The following DLGAP2 variants were observed in gnomAD, a reference collection of about 807,000 sequenced individuals.
The protein encoded by DLGAP2 is disks large-associated protein 2.
Under a neutral mutation model 100.3 loss-of-function variants are expected in DLGAP2, and 26 were observed. The observed-to-expected ratio is 0.26, with a 90% CI of 0.19 to 0.36. DLGAP2 has a LOEUF of 0.36. Ranked by LOEUF, DLGAP2 falls within the 10% of genes least tolerant of loss-of-function variation. The pLI is 1.00. For missense variants in DLGAP2, 1,858 were observed against 1,453.2 expected (o/e 1.28, Z -4.53); for synonymous variants, 886 against 630.1 (o/e 1.41, Z -6.08).
In DLGAP2 at chr8:1,233,684, G is replaced by T. The variant is rs1480616715; in HGVS notation, c.74-25167G>T. ...TTTTAGTTACTGATAGATGATCTCA[G>T]TGCCTAAGAGTGTGTTGAGCACATG... On this transcript the variant is annotated intron_variant, in intron 2 of 14. Transcript: ENST00000637795. Among the ~76,000 whole-genome samples the T allele has an allele frequency of 2.6e-5, 4 of 152,308 alleles. No homozygotes were observed. In the East Asian group the frequency reaches 5.8e-4, roughly 22 times the overall value.
intron 3 of DLGAP2, among the ~76,000 whole-genome samples, chr8:1,384,219 T>A (rs1221483180): frequency 7.2e-5 from 11 of 152,264 alleles, no homozygotes; most frequent in African/African-American, 2.7e-4. Context: ...GGATGCCATT[T>A]TCAGAATTTA....
At position 1,001,551 on chromosome 8, in the gene DLGAP2, C is replaced by G. The variant is rs190765978; in HGVS notation, c.73+93585C>G. Among the ~76,000 whole-genome samples, 138 of 152,136 alleles carry G rather than the reference C, an allele frequency of 9.1e-4. 1 individual carries two copies. Among genetic ancestry groups the G allele is most frequent in the African/African-American group, 3.1e-3 (130 of 41,482 alleles). On this transcript the variant is annotated intron_variant, in intron 2 of 14. Transcript: ENST00000637795. ...AATATTGAGGAAGGTGTCATGAAAC[C>G]TCAAACGAAAGTTACGGAGAAATGA...
chr8:1,514,978 C>T (rs1359492953), intron 4 of DLGAP2, among the ~76,000 whole-genome samples: 4 of 151,902 alleles, frequency 2.6e-5, no homozygotes, highest in Admixed American at 6.6e-5. Context: ...GGGACACCAA[C>T]GTGTAGAGAG....
intron 3 of DLGAP2, among the ~76,000 whole-genome samples, chr8:1,350,338 C>A (rs77597345): frequency 1.2e-5 from 1 of 86,558 alleles, no homozygotes; most frequent in Non-Finnish European, 2.3e-5. Context: ...AAAGGCCGTG[C>A]GGGTCCTGAC....
chr8:1,130,062 C>G (rs1796254517), intron 2 of DLGAP2, among the ~76,000 whole-genome samples: 2 of 151,774 alleles, frequency 1.3e-5, no homozygotes, highest in South Asian at 4.2e-4. Flanking sequence ...TCATGTCGGG[C>G]ACTTCACGTG....
chr8:977,578 T>C (rs926243298), intron 2 of DLGAP2, among the ~76,000 whole-genome samples: 1 of 152,262 alleles, frequency 6.6e-6, no homozygotes, highest in Non-Finnish European at 1.5e-5. Flanking sequence ...TTGCGAACTT[T>C]TTCAATGAGT....
intron 4 of DLGAP2, among the ~76,000 whole-genome samples, chr8:1,512,274 A>G (rs999118612): frequency 1.3e-5 from 2 of 152,240 alleles, no homozygotes; most frequent in Non-Finnish European, 2.9e-5. Context: ...TGTCCCATAA[A>G]CTTAAAAATA....
At chr8:1,142,349 A>T (rs1343180131) in intron 2 of DLGAP2, among the ~76,000 whole-genome samples, 1 of 152,214 alleles carries the variant, frequency 6.6e-6, no homozygotes, top group Non-Finnish European at 1.5e-5. Context: ...TCATAATTTT[A>T]AATGTTAGAG....
chr8:935,906 G>C (rs980002796), intron 2 of DLGAP2, among the ~76,000 whole-genome samples: 1 of 152,116 alleles, frequency 6.6e-6, no homozygotes, highest in Non-Finnish European at 1.5e-5. Flanking sequence ...GTTCATATTT[G>C]CTTAATGAAA....
intron 3 of DLGAP2, among the ~76,000 whole-genome samples, chr8:1,288,217 GGT>G (rs1799984381): frequency 4.1e-5 from 4 of 98,422 alleles, no homozygotes; most frequent in Admixed American, 1.1e-4. Flanking sequence ...GTGTGTGTGT[GGT>G]TAGGAGGGGA....
intron 2 of DLGAP2, among the ~76,000 whole-genome samples, chr8:962,453 C>T (rs373655161): frequency 4.6e-5 from 7 of 152,296 alleles, no homozygotes; most frequent in South Asian, 2.1e-4. Flanking sequence ...GTTGCTGACC[C>T]GTCCTTGCAC....
intron 1 of DLGAP2, among the ~76,000 whole-genome samples, chr8:880,716 C>T (rs4735949): frequency 0.011 from 1,715 of 152,280 alleles, 40 homozygotes; most frequent in Admixed American, 0.057. Context: ...CCCTTGACTG[C>T]GACATGGTAT....
rs139184879 is a variant in DLGAP2 at position 1,230,845 on chromosome 8, C to T, written c.74-28006C>T. On this transcript the variant is annotated intron_variant, in intron 2 of 14. Transcript: ENST00000637795. Reference sequence around the variant, plus strand: ...CTGGATTCCTGCCTTTCAGCATATGCAAAAATTAACTCAAGATGAATTACA... The same window carrying T: ...CTGGATTCCTGCCTTTCAGCATATGTAAAAATTAACTCAAGATGAATTACA... 3.1e-3 allele frequency among the ~76,000 whole-genome samples: 473 copies of T among 152,194 alleles called. 1 individual carries two copies. Among genetic ancestry groups the T allele is most frequent in the African/African-American group, 9.2e-3 (383 of 41,526 alleles).
Position 1,188,496 on chromosome 8 carries a change from CGGA to C in DLGAP2, c.74-70354_74-70352del, listed in dbSNP as rs560374587. ...CGGGACTTCCGTGACGTTTCCCTCA[CGGA>C]ATCTCACACGCCCGGGACCTCTGTG... On this transcript the variant is annotated intron_variant, in intron 2 of 14. Transcript: ENST00000637795. Among the ~76,000 whole-genome samples, 1,162 of 124,258 alleles carry C rather than the reference CGGA, an allele frequency of 9.4e-3. 213 individuals carry two copies. The highest frequency in any genetic ancestry group is 0.056 in the African/African-American group (1,058 of 18,778). The allele number at this position is 124,258 out of a possible 152,430, so 81.5% of individuals were successfully genotyped here.
intron 1 of DLGAP2, among the ~76,000 whole-genome samples, chr8:796,020 C>T (rs1483364590): frequency 7.0e-6 from 1 of 143,764 alleles, no homozygotes; most frequent in African/African-American, 2.6e-5. Context: ...CCAGTGAGAG[C>T]AGGCATCCAG....
chr8:1,654,358 C>T (rs1798235072), intron 8 of DLGAP2, among the ~76,000 whole-genome samples: 2 of 152,186 alleles, frequency 1.3e-5, no homozygotes, highest in Non-Finnish European at 2.9e-5. Context: ...AGAAGCTTTG[C>T]ATTCTTAAAG....
At chr8:1,092,863 C>G (rs1442989428) in intron 2 of DLGAP2, among the ~76,000 whole-genome samples, 1 of 152,178 alleles carries the variant, frequency 6.6e-6, no homozygotes, top group Non-Finnish European at 1.5e-5. Context: ...GGCCTCATAA[C>G]TGGGTTCAGC....
At chr8:1,229,299 T>G (rs180956760) in intron 2 of DLGAP2, among the ~76,000 whole-genome samples, 1 of 152,174 alleles carries the variant, frequency 6.6e-6, no homozygotes, top group Admixed American at 6.5e-5. Flanking sequence ...AGTTTTAGAA[T>G]CGGAATCAGC....
chr8:1,060,783 G>A (rs920846143), intron 2 of DLGAP2, among the ~76,000 whole-genome samples: 2 of 152,156 alleles, frequency 1.3e-5, no homozygotes, highest in African/African-American at 2.4e-5. Context: ...AGGGGCCTGC[G>A]GGTTCCACAT....
Sources: gnomAD v4.1 joint callset for allele counts (sites outside exome capture counted in the v4.1 genomes callset) on GRCh38, gnomAD v4.1.1 for gene constraint, MANE v1.5 for transcripts, NCBI Gene and HGNC (gene_info 2026-07-23, HGNC 2026-07-21) for gene names.